Variants in SPATA13 observed in about 807,000 individuals in gnomAD.
The protein encoded by SPATA13 is spermatogenesis-associated protein 13.
A neutral mutation model predicts 104.0 loss-of-function variants in SPATA13; 50 were observed. The observed-to-expected ratio is 0.48, with a 90% CI of 0.38 to 0.61. The LOEUF is 0.61. Ranked by LOEUF, SPATA13 falls within the 20% of genes least tolerant of loss-of-function variation. The pLI, the probability that SPATA13 is intolerant of heterozygous loss-of-function variation, is 0.00. For synonymous variants in SPATA13, 606 were observed against 667.5 expected (o/e 0.91, Z 1.42); for missense variants, 1,524 against 1,690.6 (o/e 0.90, Z 1.73).
At chr13:24,078,440 T>C (rs1879402883) in intron 3 of SPATA13, among the ~76,000 whole-genome samples, 1 of 152,212 alleles carries the variant, frequency 6.6e-6, no homozygotes, top group African/African-American at 2.4e-5. Context: ...TACTGTCTCA[T>C]TTACAAATGA....
At chr13:24,006,850 T>A (rs1876256267) in intron 2 of SPATA13, among the ~76,000 whole-genome samples, 1 of 152,212 alleles carries the variant, frequency 6.6e-6, no homozygotes, top group East Asian at 1.9e-4. Flanking sequence ...GGAAGCCACG[T>A]CGATGGTGTA....
intron 3 of SPATA13, among the ~76,000 whole-genome samples, chr13:24,092,412 T>C (rs1231752681): frequency 6.6e-6 from 1 of 152,348 alleles, no homozygotes; most frequent in East Asian, 1.9e-4. Flanking sequence ...AGTGAATGAC[T>C]GCAATTGGTA....
chr13:24,248,130 A>G (rs1456586296), intron 2 of SPATA13, among the ~76,000 whole-genome samples: 1 of 152,220 alleles, frequency 6.6e-6, no homozygotes, highest in East Asian at 1.9e-4. Flanking sequence ...CCACTCCTGC[A>G]GGTCTCTGAC....
At chr13:24,037,092 T>C (rs190213849) in intron 3 of SPATA13, among the ~76,000 whole-genome samples, 1 of 151,632 alleles carries the variant, frequency 6.6e-6, no homozygotes, top group Admixed American at 6.6e-5. Context: ...CAATTTTAAA[T>C]TAATTGGCAG....
At chr13:24,167,831 A>C (rs138860891) in intron 1 of SPATA13, among the ~76,000 whole-genome samples, 2 of 152,170 alleles carry the variant, frequency 1.3e-5, no homozygotes, top group African/African-American at 4.8e-5. Context: ...CCCATCATGA[A>C]TATTCATTCT....
At chr13:24,151,590 T>A (rs1286107931) in intron 3 of SPATA13, among the ~76,000 whole-genome samples, 1 of 152,240 alleles carries the variant, frequency 6.6e-6, no homozygotes, top group African/African-American at 2.4e-5. Context: ...TATGAATAGA[T>A]GTCCATTACT....
At chr13:24,009,544 A>G (rs1876376699) in intron 2 of SPATA13, among the ~76,000 whole-genome samples, 1 of 152,242 alleles carries the variant, frequency 6.6e-6, no homozygotes, top group African/African-American at 2.4e-5. Flanking sequence ...GAAAGATGGG[A>G]CAACTTGAAG....
At chr13:23,986,517 C>A (rs558060342) in intron 2 of SPATA13, among the ~76,000 whole-genome samples, 1 of 152,326 alleles carries the variant, frequency 6.6e-6, no homozygotes, top group South Asian at 2.1e-4. Flanking sequence ...TCCCAAATGC[C>A]TCTCAAGGAT....
chr13:24,033,230 A>G lies in SPATA13; in HGVS notation c.-112+15529A>G, dbSNP rs150810719. ...CAAATTGGACAGAACTGCTCAAAACATAGAATTTCAAAAATCTAATAAAAA... is the reference window on the plus strand; with the variant it reads ...CAAATTGGACAGAACTGCTCAAAACGTAGAATTTCAAAAATCTAATAAAAA... On this transcript the variant is annotated intron_variant, in intron 3 of 14. Transcript: ENST00000424834. Among the ~76,000 whole-genome samples the G allele has an allele frequency of 4.0e-3, 607 of 152,334 alleles. 3 individuals carry two copies. The highest frequency in any genetic ancestry group is 0.014 in the African/African-American group (566 of 41,570).
chr13:24,287,095 T>A, intron 7 of SPATA13, 145 bp downstream of exon 7: 1 of 679,534 alleles, frequency 1.5e-6, no homozygotes, highest in Non-Finnish European at 2.4e-6. Context: ...TCTGCACTGC[T>A]AAGTCTGAGT....
At chr13:24,296,464 G>A (rs1382465019) in intron 10 of SPATA13, among the ~76,000 whole-genome samples, 1 of 152,136 alleles carries the variant, frequency 6.6e-6, no homozygotes, top group Non-Finnish European at 1.5e-5. Flanking sequence ...GATTTTGGAC[G>A]CTGACATTTA....
intron 3 of SPATA13, among the ~76,000 whole-genome samples, chr13:24,250,240 T>A (rs1251278441): frequency 6.6e-6 from 1 of 152,122 alleles, no homozygotes; most frequent in African/African-American, 2.4e-5. Flanking sequence ...AAATAAAATG[T>A]AAAGAAGAAA....
intron 1 of SPATA13, among the ~76,000 whole-genome samples, chr13:24,207,366 C>G (rs1218472169): frequency 6.6e-6 from 1 of 152,186 alleles, no homozygotes; most frequent in Non-Finnish European, 1.5e-5. Context: ...CACATGTACC[C>G]CTGAACTTAA....
intron 3 of SPATA13, among the ~76,000 whole-genome samples, chr13:24,068,928 T>C (rs1404342887): frequency 6.6e-6 from 1 of 152,190 alleles, no homozygotes. Context: ...TGGATGCATA[T>C]TTGTGAATAT....
chr13:24,259,094 G>C (rs1873932292), intron 4 of SPATA13, among the ~76,000 whole-genome samples: 1 of 152,226 alleles, frequency 6.6e-6, no homozygotes, highest in Non-Finnish European at 1.5e-5. Flanking sequence ...TGAGCTGGGT[G>C]CTGGGCCTCC....
intron 3 of SPATA13, among the ~76,000 whole-genome samples, chr13:24,056,146 G>C (rs1878534550): frequency 1.3e-5 from 2 of 152,176 alleles, no homozygotes; most frequent in South Asian, 2.1e-4. Context: ...TTTCACAGAT[G>C]TTGAAACAGT....
chr13:24,294,657 G>T, intron 9 of SPATA13, 82 bp from the exon 10 acceptor site: 3 of 1,454,544 alleles, frequency 2.1e-6, no homozygotes, highest in Non-Finnish European at 2.8e-6. Flanking sequence ...CGTATACGAA[G>T]AAGCGCCCCA....
chr13:24,234,242 A>G (rs924046515), intron 2 of SPATA13, among the ~76,000 whole-genome samples: 4 of 152,224 alleles, frequency 2.6e-5, no homozygotes, highest in Admixed American at 1.3e-4. Flanking sequence ...CAATATCATA[A>G]TATATTCTTC....
rs1212066778 is a variant in SPATA13 at position 24,224,016 on chromosome 13, C to T, written c.1087C>T (p.Arg363Cys). ...CAGCCGGCTGCATGACGACTACTCC[C>T]GCCGCGTCTCCAGGAGCACTGAGCA... is the stretch of plus-strand genomic sequence containing the variant. Reference protein sequence around the residue: ...AHSRLHDDYSRRVSRSTEQDS... With the variant: ...AHSRLHDDYSCRVSRSTEQDS... Residue 363 changes from arginine (R) to cysteine (C), a missense_variant, in exon 2 of 13, where the codon CGC (arginine) becomes TGC (cysteine). Coordinates refer to ENST00000382108, the MANE Select transcript of SPATA13 (RefSeq NM_001166271.3). The T allele has an allele frequency of 2.6e-5, 41 of 1,548,736 alleles. No individual in the cohort carries two copies. Among genetic ancestry groups the T allele is most frequent in the East Asian group, 4.9e-5 (2 of 40,862 alleles).
Sources: gnomAD v4.1 joint callset for allele counts (sites outside exome capture counted in the v4.1 genomes callset) on GRCh38, gnomAD v4.1.1 for gene constraint, MANE v1.5 for transcripts, NCBI Gene and HGNC (gene_info 2026-07-23, HGNC 2026-07-21) for gene names.